The following F2RL2 variants were observed in gnomAD, a reference collection of about 807,000 sequenced individuals.
The protein encoded by F2RL2 is coagulation factor II thrombin receptor like 2.
F2RL2 carries 4 observed loss-of-function variants against 4.3 expected under a neutral mutation model. That is an observed-to-expected ratio of 0.93 (90% confidence interval 0.46 to 2.12). The LOEUF is 2.12. Among genes scored for constraint, F2RL2 ranks in the 30% most tolerant of loss-of-function variants. F2RL2 has a pLI of 0.02. For synonymous variants in F2RL2, 166 were observed against 170.9 expected (o/e 0.97, Z 0.22); for missense variants, 408 against 449.3 (o/e 0.91, Z 0.83).
rs1321140461 is a variant in F2RL2, at chr5:76,618,627, G to A, written c.80C>T (p.Thr27Ile). 4.3e-6 allele frequency: 7 copies of A among 1,611,104 alleles called. No individual in the cohort carries two copies. Among genetic ancestry groups the A allele is most frequent in the Middle Eastern group, 1.6e-4 (1 of 6,074 alleles). The change falls in exon 2 of 2, where the codon ACA becomes ATA. Residue 27 changes from threonine (T) to isoleucine (I), a missense_variant. Thr to Ile is a moderately conservative substitution (Grantham distance 89). Transcript: ENST00000296641. ...TFCQSGMEND[T>I]NNLAKPTLPI... ...TAAGGTTGGCTTTGCCAAGTTGTTT[G>A]TATCATTTTCCATGCCTGTAATTGA...
Position 76,617,503 on chromosome 5 carries a change from C to A in F2RL2, c.*79G>T. 1.9e-6 allele frequency: 2 copies of A among 1,042,044 alleles called. No homozygotes were observed. Among genetic ancestry groups the A allele is most frequent in the Admixed American group, 2.3e-5 (1 of 42,990 alleles). The allele number at this position is 1,042,044 out of a possible 1,614,324, so 64.5% of individuals were successfully genotyped here. ...ATTTCTTAGGAGCTCGGAAATGGAGCTCCTTGCACTATGCTTATGTTGTTC... is the reference window on the plus strand; with the variant it reads ...ATTTCTTAGGAGCTCGGAAATGGAGATCCTTGCACTATGCTTATGTTGTTC... On this transcript the variant is annotated 3_prime_UTR_variant, in exon 2 of 2. Coordinates refer to ENST00000296641, the MANE Select transcript of F2RL2 (RefSeq NM_004101.4).
At chr5:76,621,190 A>C (rs1749630963) in intron 1 of F2RL2, among the ~76,000 whole-genome samples, 1 of 152,162 alleles carries the variant, frequency 6.6e-6, no homozygotes, top group South Asian at 2.1e-4. Context: ...TTCCTGCTTT[A>C]ATCTCTAGCA....
Position 76,615,679 on chromosome 5 carries a change from TG to T in F2RL2, c.*1902del, listed in dbSNP as rs1385832648. 7 of 152,232 alleles carry T rather than the reference TG, an allele frequency of 4.6e-5. No homozygotes were observed. The highest frequency in any genetic ancestry group is 1.7e-4 in the African/African-American group (7 of 41,462). 9.4% of individuals were successfully genotyped at this position (152,232 alleles called of 1,614,324 possible). On this transcript the variant is annotated 3_prime_UTR_variant, in exon 2 of 2. Coordinates refer to ENST00000296641, the MANE Select transcript of F2RL2 (RefSeq NM_004101.4). ...GTCTAATCACTAATATCTTCCCTCCTGTCTAATCACTAATGTCTTCCTTCCT... is the reference window on the plus strand; with the variant it reads ...GTCTAATCACTAATATCTTCCCTCCTTCTAATCACTAATGTCTTCCTTCCT...
chr5:76,622,000 T>G (rs1283019631), intron 1 of F2RL2, among the ~76,000 whole-genome samples: 1 of 152,052 alleles, frequency 6.6e-6, no homozygotes, highest in Non-Finnish European at 1.5e-5. Context: ...TCCATTTACC[T>G]CTAGAGACAG....
chr5:76,619,514 C>CTTTTT (rs773323091), intron 1 of F2RL2, among the ~76,000 whole-genome samples: 1 of 104,258 alleles, frequency 9.6e-6, no homozygotes, highest in African/African-American at 4.0e-5. Flanking sequence ...TAAGGATCTT[C>CTTTTT]TTTTTTTTTT....
intron 1 of F2RL2, among the ~76,000 whole-genome samples, chr5:76,621,096 T>A (rs1749619981): frequency 1.3e-5 from 2 of 152,238 alleles, no homozygotes; most frequent in African/African-American, 4.8e-5. Context: ...CATTATGTCT[T>A]GTCCCATGGC....
intron 1 of F2RL2, among the ~76,000 whole-genome samples, chr5:76,622,172 C>A (rs1026143429): frequency 1.3e-5 from 2 of 152,100 alleles, no homozygotes; most frequent in Non-Finnish European, 2.9e-5. Flanking sequence ...TTCAGAGGCC[C>A]CCGTTTTCAC....
intron 1 of F2RL2, among the ~76,000 whole-genome samples, chr5:76,619,465 C>T (rs932555755): frequency 2.1e-4 from 32 of 151,688 alleles, no homozygotes; most frequent in African/African-American, 7.8e-4. Context: ...AAGTATATTC[C>T]TTTACCTAGC....
In F2RL2 at chr5:76,618,402, A is replaced by AG; in HGVS notation, c.304dup (p.Leu102ProfsTer48). 6.2e-7 allele frequency: 1 copy of AG among 1,614,184 alleles called. No homozygotes were observed. The highest frequency in any genetic ancestry group is 1.1e-5 in the South Asian group (1 of 91,084). ...CGGGACACCAACTACAAACACCAGG[A>AG]GGTAGATGGCAGGTATCAGTTTAGT... On this transcript the variant is annotated frameshift_variant, in exon 2 of 2. Transcript: ENST00000296641. LOFTEE classifies it low-confidence loss of function (END_TRUNC).
At chr5:76,621,780 A>T (rs931361473) in intron 1 of F2RL2, among the ~76,000 whole-genome samples, 5 of 152,034 alleles carry the variant, frequency 3.3e-5, no homozygotes, top group South Asian at 4.2e-4. Flanking sequence ...TCATTGTTAA[A>T]TTTTTTTATT....
At position 76,617,509 on chromosome 5, in the gene F2RL2, G is replaced by T; in HGVS notation, c.*73C>A. On this transcript the variant is annotated 3_prime_UTR_variant, in exon 2 of 2. Coordinates refer to ENST00000296641, the MANE Select transcript of F2RL2 (RefSeq NM_004101.4). ...TAGGAGCTCGGAAATGGAGCTCCTTGCACTATGCTTATGTTGTTCTTGAAA... is the reference window on the plus strand; with the variant it reads ...TAGGAGCTCGGAAATGGAGCTCCTTTCACTATGCTTATGTTGTTCTTGAAA... The T allele has an allele frequency of 2.6e-6, 3 of 1,141,406 alleles. No individual in the cohort carries two copies. Among genetic ancestry groups the T allele is most frequent in the Non-Finnish European group, 3.8e-6 (3 of 794,426 alleles). The allele number at this position is 1,141,406 out of a possible 1,614,324, so 70.7% of individuals were successfully genotyped here.
At chr5:76,618,781 C>G in intron 1 of F2RL2, 139 bp from the exon 2 acceptor site, 1 of 755,872 alleles carries the variant, frequency 1.3e-6, no homozygotes, top group Non-Finnish European at 2.1e-6. Context: ...ATTAGGCAGT[C>G]AACAAGCATA....
At chr5:76,619,788 G>T (rs2069671) in intron 1 of F2RL2, among the ~76,000 whole-genome samples, 2,267 of 152,208 alleles carry the variant, frequency 0.015, 53 homozygotes, top group African/African-American at 0.052. Flanking sequence ...AAAGTGCTGG[G>T]ATTACAGGCG....
rs1460265207 is a variant in F2RL2, at chr5:76,615,856, A to G, written c.*1726T>C. On this transcript the variant is annotated 3_prime_UTR_variant, in exon 2 of 2. Transcript: ENST00000296641. ...AAAACTTCTAAATGGCCTGGTGAGT[A>G]TAGTCTTAGTTTAGCTTCCTTACTT... 6.6e-6 allele frequency: 1 copy of G among 152,654 alleles called. No individual in the cohort carries two copies. Among genetic ancestry groups the G allele is most frequent in the Non-Finnish European group, 1.5e-5 (1 of 68,034 alleles). 9.5% of individuals were successfully genotyped at this position (152,654 alleles called of 1,614,324 possible).
chr5:76,621,292 T>C (rs1749645924), intron 1 of F2RL2, among the ~76,000 whole-genome samples: 1 of 152,168 alleles, frequency 6.6e-6, no homozygotes, highest in Non-Finnish European at 1.5e-5. Context: ...TGTGTCCTAG[T>C]AACTGAGGGG....
rs766318836 is a variant in F2RL2 at position 76,618,339 on chromosome 5, G to C, written c.368C>G (p.Thr123Ser). The C allele has an allele frequency of 5.0e-6, 8 of 1,614,150 alleles. No homozygotes were observed. The East Asian group carries it at 1.1e-4, about 22-fold the overall frequency. Residue 123 changes from threonine (T) to serine (S), a missense_variant, in exon 2 of 2, where the codon ACC becomes AGC. Coordinates refer to ENST00000296641, the MANE Select transcript of F2RL2 (RefSeq NM_004101.4). ...GAATACAGTGGTACAGATGGATCTG[G>C]TCCTGAAGAAAAGCATCCACAGGGT... ...AVTLWMLFFRTRSICTTVFYT... is the reference protein window; with the variant it reads ...AVTLWMLFFRSRSICTTVFYT...
At chr5:76,620,907 C>A (rs549786126) in intron 1 of F2RL2, among the ~76,000 whole-genome samples, 56 of 152,262 alleles carry the variant, frequency 3.7e-4, no homozygotes, top group South Asian at 1.7e-3. Context: ...CTAATTCCTG[C>A]AATTTCAAAA....
rs1748922857 is a variant in F2RL2, at chr5:76,615,930, G to A, written c.*1652C>T. 6.6e-6 allele frequency: 1 copy of A among 152,576 alleles called. No homozygotes were observed. The highest frequency in any genetic ancestry group is 1.5e-5 in the Non-Finnish European group (1 of 68,040). The allele number at this position is 152,576 out of a possible 1,614,324, so 9.5% of individuals were successfully genotyped here. On this transcript the variant is annotated 3_prime_UTR_variant, in exon 2 of 2. Transcript: ENST00000296641. ...ATGTCATCCCGTATCATCACAGTATGTTGCTTTTTCAGTACGAAGTTAATG... is the reference window on the plus strand; with the variant it reads ...ATGTCATCCCGTATCATCACAGTATATTGCTTTTTCAGTACGAAGTTAATG...
chr5:76,616,252 A>G lies in F2RL2; in HGVS notation c.*1330T>C, dbSNP rs1748955616. The G allele has an allele frequency of 6.6e-6, 1 of 152,304 alleles. No homozygotes were observed. The highest frequency in any genetic ancestry group is 1.5e-5 in the Non-Finnish European group (1 of 68,042). 9.4% of individuals were successfully genotyped at this position (152,304 alleles called of 1,614,324 possible). A position where few individuals can be genotyped will look rare whatever the true frequency, so the allele number is the denominator to read the frequency against. Reference sequence around the variant, plus strand: ...GAGAATCAGGGAAGAATGGTCCTTCAAGGACTTGAAAAAATGAACAGAATT... The same window carrying G: ...GAGAATCAGGGAAGAATGGTCCTTCGAGGACTTGAAAAAATGAACAGAATT... On this transcript the variant is annotated 3_prime_UTR_variant, in exon 2 of 2. Coordinates refer to ENST00000296641, the MANE Select transcript of F2RL2 (RefSeq NM_004101.4).
Sources: allele counts gnomAD v4.1 joint callset (sites outside exome capture counted in the v4.1 genomes callset), GRCh38; gene constraint gnomAD v4.1.1; transcripts MANE v1.5; gene names NCBI Gene and HGNC (gene_info 2026-07-23, HGNC 2026-07-21).